NTM: variants seen among roughly 807,000 people sequenced by gnomAD.
NTM encodes neurotrimin.
A neutral mutation model predicts 42.1 loss-of-function variants in NTM; 13 were observed. The ratio of observed to expected loss-of-function variants is 0.31; its 90% confidence interval spans 0.20 to 0.49. NTM has a LOEUF of 0.49. Among genes scored for constraint, NTM ranks in the 20% least tolerant of loss-of-function variants. The pLI is 0.99. For synonymous variants in NTM, 187 were observed against 179.2 expected (o/e 1.04, Z -0.35); for missense variants, 373 against 452.8 (o/e 0.82, Z 1.60).
chr11:132,274,946 G>A (rs189169353), intron 4 of NTM, among the ~76,000 whole-genome samples: 3 of 152,190 alleles, frequency 2.0e-5, no homozygotes, highest in Admixed American at 6.5e-5. Flanking sequence ...AATGCATTAT[G>A]TTATTTTTGA....
intron 4 of NTM, among the ~76,000 whole-genome samples, chr11:132,300,365 G>A (rs1014185177): frequency 2.6e-5 from 4 of 152,142 alleles, no homozygotes; most frequent in African/African-American, 7.2e-5. Context: ...ATACTATAAG[G>A]TAATCTTATG....
intron 1 of NTM, among the ~76,000 whole-genome samples, chr11:131,439,106 C>T (rs754002055): frequency 6.6e-6 from 1 of 152,196 alleles, no homozygotes; most frequent in African/African-American, 2.4e-5. Flanking sequence ...TCCTGGGTAT[C>T]ACCAGCGGAG....
At chr11:131,580,636 A>G (rs1057102429) in intron 1 of NTM, among the ~76,000 whole-genome samples, 1 of 152,164 alleles carries the variant, frequency 6.6e-6, no homozygotes. Flanking sequence ...ATGGGAGTTG[A>G]GAAGGAGTAG....
At position 131,652,243 on chromosome 11, in the gene NTM, C is replaced by G. The variant is rs545317568; in HGVS notation, c.83-259321C>G. Among the ~76,000 whole-genome samples the G allele has an allele frequency of 7.9e-5, 12 of 152,336 alleles. No individual in the cohort carries two copies. The South Asian group carries it at 2.5e-3, about 32-fold the overall frequency. Reference sequence around the variant, plus strand: ...GAGGTAAATGGCTATACACATGGAGCAGCACCTGAATAGAGACATGATCAT... The same window carrying G: ...GAGGTAAATGGCTATACACATGGAGGAGCACCTGAATAGAGACATGATCAT... On this transcript the variant is annotated intron_variant, in intron 1 of 8. Transcript: ENST00000683400.
intron 2 of NTM, among the ~76,000 whole-genome samples, chr11:131,934,997 A>T (rs1337390954): frequency 6.6e-6 from 1 of 152,210 alleles, no homozygotes; most frequent in Admixed American, 6.5e-5. Context: ...AGACTGGCTT[A>T]TAAGCCTCAG....
At chr11:131,740,812 A>T (rs1333243785) in intron 1 of NTM, among the ~76,000 whole-genome samples, 1 of 152,190 alleles carries the variant, frequency 6.6e-6, no homozygotes, top group Non-Finnish European at 1.5e-5. Context: ...GGCTGGGCTC[A>T]GGCACAGTGT....
chr11:131,794,835 C>T (rs979160912), intron 1 of NTM: 1 of 985,212 alleles, frequency 1.0e-6, no homozygotes, highest in African/African-American at 1.7e-5. Flanking sequence ...AAGAAAAAGC[C>T]CAGGCAGAAA....
At chr11:131,832,692 C>G (rs974442452) in intron 1 of NTM, among the ~76,000 whole-genome samples, 2 of 152,144 alleles carry the variant, frequency 1.3e-5, no homozygotes, top group Non-Finnish European at 2.9e-5. Context: ...TTCTAAGCCT[C>G]AGTTTCCTTG....
intron 1 of NTM, among the ~76,000 whole-genome samples, chr11:131,727,759 C>T (rs2079134153): frequency 6.6e-6 from 1 of 152,144 alleles, no homozygotes; most frequent in Non-Finnish European, 1.5e-5. Flanking sequence ...ATTTTTTAGG[C>T]TAATCTGCTG....
At chr11:131,453,174 C>T (rs1005041661) in intron 1 of NTM, among the ~76,000 whole-genome samples, 2 of 152,098 alleles carry the variant, frequency 1.3e-5, no homozygotes, top group African/African-American at 4.8e-5. Context: ...ATCATCAGCC[C>T]CCAACTATCA....
At chr11:131,607,399 G>C (rs1814256170) in intron 1 of NTM, among the ~76,000 whole-genome samples, 1 of 152,130 alleles carries the variant, frequency 6.6e-6, no homozygotes, top group Non-Finnish European at 1.5e-5. Context: ...GCTTCAGTAG[G>C]TTATCCTTGG....
rs147349175 is a variant in NTM, at chr11:132,090,526, C to T, written c.168-55756C>T. ...ACCCTCTGAACTTTGTGATCGTGCC[C>T]GCTGTCTCTAGCTCTTCAGTCACTG... is the stretch of plus-strand genomic sequence containing the variant. On this transcript the variant is annotated intron_variant, in intron 2 of 8. Transcript: ENST00000683400. 3.8e-3 allele frequency among the ~76,000 whole-genome samples: 575 copies of T among 152,158 alleles called. 3 individuals are homozygous for T. Among genetic ancestry groups the T allele is most frequent in the Non-Finnish European group, 6.9e-3 (467 of 68,008 alleles).
intron 1 of NTM, among the ~76,000 whole-genome samples, chr11:131,526,367 GGT>G (rs764025647): frequency 2.1e-4 from 32 of 152,328 alleles, no homozygotes; most frequent in Admixed American, 1.7e-3. Context: ...GGACAGGTCA[GGT>G]GTGTGTTTCA....
intron 1 of NTM, among the ~76,000 whole-genome samples, chr11:131,757,747 T>C (rs1021775370): frequency 6.6e-6 from 1 of 152,150 alleles, no homozygotes; most frequent in African/African-American, 2.4e-5. Context: ...AAGGTATACA[T>C]ATAAAAGCAG....
chr11:131,996,623 G>A (rs2068084091), intron 2 of NTM, among the ~76,000 whole-genome samples: 1 of 151,788 alleles, frequency 6.6e-6, no homozygotes, highest in Admixed American at 6.6e-5. Flanking sequence ...GGCTCAGAAA[G>A]ATTAAGGACT....
At chr11:131,591,928 A>G (rs1020929721) in intron 1 of NTM, among the ~76,000 whole-genome samples, 1 of 152,184 alleles carries the variant, frequency 6.6e-6, no homozygotes, top group Non-Finnish European at 1.5e-5. Context: ...GCTCTGGGTA[A>G]GAACTACTCA....
intron 1 of NTM, among the ~76,000 whole-genome samples, chr11:131,649,735 T>C (rs2066234593): frequency 1.3e-5 from 2 of 152,198 alleles, no homozygotes; most frequent in African/African-American, 4.8e-5. Context: ...GGTGACCAGA[T>C]AGGTGAAAGG....
intron 4 of NTM, among the ~76,000 whole-genome samples, chr11:132,238,950 C>A (rs1296620772): frequency 6.6e-6 from 1 of 152,186 alleles, no homozygotes; most frequent in Non-Finnish European, 1.5e-5. Context: ...ATGCTCCATG[C>A]AGTCTAATAA....
At chr11:131,917,951 T>C (rs547769653) in intron 2 of NTM, among the ~76,000 whole-genome samples, 5 of 152,360 alleles carry the variant, frequency 3.3e-5, no homozygotes, top group African/African-American at 1.2e-4. Context: ...CAGTTGTCAC[T>C]GAAAGCTAGA....
Sources: gnomAD v4.1 joint callset for allele counts (sites outside exome capture counted in the v4.1 genomes callset) on GRCh38, gnomAD v4.1.1 for gene constraint, MANE v1.5 for transcripts, NCBI Gene and HGNC (gene_info 2026-07-23, HGNC 2026-07-21) for gene names.